The following STPG2 variants were observed in gnomAD, a reference collection of about 807,000 sequenced individuals.
STPG2 encodes sperm tail PG-rich repeat containing 2, also known as sperm-tail PG-rich repeat-containing protein 2.
In STPG2, 56 loss-of-function variants were observed where a neutral mutation model predicts 54.2. The ratio of observed to expected loss-of-function variants is 1.03; its 90% CI spans 0.83 to 1.29. The LOEUF (loss-of-function observed/expected upper bound fraction) is 1.29. Among genes scored for constraint, STPG2 ranks in the 50% most tolerant of loss-of-function variants. STPG2 has a pLI of 0.00. For missense variants in STPG2, 596 were observed against 544.9 expected (o/e 1.09, Z -0.93); for synonymous variants, 200 against 181.8 (o/e 1.10, Z -0.81).
chr4:97,834,823 AC>A (rs763414896), intron 9 of STPG2, among the ~76,000 whole-genome samples: 6 of 151,934 alleles, frequency 3.9e-5, no homozygotes, highest in Non-Finnish European at 8.8e-5. Flanking sequence ...CCCTGACCAT[AC>A]CTACACTTTC....
At chr4:97,988,374 T>C (rs1400631984) in intron 5 of STPG2, among the ~76,000 whole-genome samples, 1 of 152,192 alleles carries the variant, frequency 6.6e-6, no homozygotes, top group African/African-American at 2.4e-5. Context: ...TTTTCTGCTA[T>C]ATTCTAAGCT....
intron 9 of STPG2, among the ~76,000 whole-genome samples, chr4:97,762,305 C>T (rs112237960): frequency 0.018 from 2,739 of 152,216 alleles, 75 homozygotes; most frequent in African/African-American, 0.062. Context: ...AGGATTAACA[C>T]ATTTGTCTTT....
intron 5 of STPG2, among the ~76,000 whole-genome samples, chr4:97,992,900 A>G (rs1038132560): frequency 6.6e-6 from 1 of 152,138 alleles, no homozygotes; most frequent in African/African-American, 2.4e-5. Flanking sequence ...TGTTGGTATA[A>G]GCAGAGCTAC....
At chr4:98,032,429 A>G (rs1736626206) in intron 5 of STPG2, among the ~76,000 whole-genome samples, 1 of 152,116 alleles carries the variant, frequency 6.6e-6, no homozygotes, top group African/African-American at 2.4e-5. Flanking sequence ...AATTTTAAAA[A>G]TCACGAGATA....
chr4:97,888,945 CCTTCCTCCTT>C (rs762557556), intron 8 of STPG2, among the ~76,000 whole-genome samples: 1 of 152,280 alleles, frequency 6.6e-6, no homozygotes, highest in African/African-American at 2.4e-5. Context: ...TCCCTCCACT[CCTTCCTCCTT>C]CTTCAGCCAT....
chr4:97,442,385 G>A (rs980281802), intron 4 of STPG2, among the ~76,000 whole-genome samples: 2 of 152,008 alleles, frequency 1.3e-5, no homozygotes, highest in East Asian at 3.9e-4. Context: ...TGGTGTAGTA[G>A]CTCAGCCAAG....
chr4:97,816,166 T>G (rs1000503779), intron 9 of STPG2, among the ~76,000 whole-genome samples: 12 of 152,204 alleles, frequency 7.9e-5, no homozygotes, highest in Non-Finnish European at 1.6e-4. Context: ...TTGCTGAGAA[T>G]GATGGCTTCC....
chr4:98,047,466 G>A (rs1035374805), intron 5 of STPG2, among the ~76,000 whole-genome samples: 17 of 152,146 alleles, frequency 1.1e-4, no homozygotes, highest in African/African-American at 2.7e-4. Context: ...AGGGAGAAAC[G>A]GGGATCTAGG....
At chr4:97,560,054 T>C (rs929723031) in intron 10 of STPG2, among the ~76,000 whole-genome samples, 2 of 152,178 alleles carry the variant, frequency 1.3e-5, no homozygotes, top group Non-Finnish European at 2.9e-5. Context: ...TCTGCTCTCA[T>C]TGATCAGGCC....
At chr4:97,569,325 G>A (rs957558468) in intron 10 of STPG2, among the ~76,000 whole-genome samples, 6 of 152,126 alleles carry the variant, frequency 3.9e-5, no homozygotes, top group Admixed American at 1.3e-4. Context: ...GAGCAGTGAG[G>A]ACAATAAGAC....
At chr4:97,978,546 A>G (rs1304564267) in intron 6 of STPG2, among the ~76,000 whole-genome samples, 1 of 152,162 alleles carries the variant, frequency 6.6e-6, no homozygotes, top group Non-Finnish European at 1.5e-5. Flanking sequence ...GTCAGGAAAA[A>G]TAACTAATGG....
At chr4:97,574,699 T>G (rs1416229526) in intron 10 of STPG2, among the ~76,000 whole-genome samples, 2 of 151,912 alleles carry the variant, frequency 1.3e-5, no homozygotes, top group Admixed American at 6.6e-5. Flanking sequence ...TTCATGATCC[T>G]TTTCAGCAAA....
intron 8 of STPG2, among the ~76,000 whole-genome samples, chr4:97,887,898 C>A (rs894553253): frequency 2.6e-5 from 4 of 152,288 alleles, no homozygotes; most frequent in Admixed American, 6.5e-5. Context: ...TGGGAAACTG[C>A]TCCCTGCATC....
intron 5 of STPG2, among the ~76,000 whole-genome samples, chr4:98,033,265 A>G (rs1023195661): frequency 2.0e-5 from 3 of 152,132 alleles, no homozygotes; most frequent in Admixed American, 6.6e-5. Flanking sequence ...AAAATAATAA[A>G]GGGGATATCA....
At position 97,893,238 on chromosome 4, in the gene STPG2, T is replaced by C. The variant is rs567982809; in HGVS notation, c.1044+50659A>G. 4 of 152,024 alleles carry C rather than the reference T, an allele frequency of 2.6e-5. No homozygotes were observed. In the East Asian group the frequency reaches 7.8e-4, roughly 29 times the overall value. The allele number at this position is 152,024 out of a possible 1,614,324, so 9.4% of individuals were successfully genotyped here. On this transcript the variant is annotated intron_variant, in intron 8 of 10. Transcript: ENST00000295268. ...CTGGGAGTAGGAGGATGAGTGGGAT[T>C]ATATAAAGAATTATAATGGACTATT...
chr4:97,737,622 TG>T (rs1331717980), intron 9 of STPG2, among the ~76,000 whole-genome samples: 1 of 151,810 alleles, frequency 6.6e-6, no homozygotes, highest in African/African-American at 2.4e-5. Flanking sequence ...TGATGGAAGA[TG>T]AAATGAATGA....
intron 8 of STPG2, among the ~76,000 whole-genome samples, chr4:97,880,468 A>G (rs1345459056): frequency 6.6e-6 from 1 of 152,186 alleles, no homozygotes; most frequent in Non-Finnish European, 1.5e-5. Context: ...GAAGCAGCAG[A>G]GTATAGAAAA....
At chr4:98,006,325 G>A (rs182008455) in intron 5 of STPG2, among the ~76,000 whole-genome samples, 1 of 152,250 alleles carries the variant, frequency 6.6e-6, no homozygotes, top group Non-Finnish European at 1.5e-5. Context: ...TGCAACCCAG[G>A]CCACAGGAAA....
chr4:98,114,769 G>T (rs980958389), intron 3 of STPG2, among the ~76,000 whole-genome samples: 56 of 148,938 alleles, frequency 3.8e-4, no homozygotes, highest in Admixed American at 1.3e-3. Flanking sequence ...TTTTTTTTGT[G>T]TGTGTGTGTG....
Sources: gnomAD v4.1 joint callset for allele counts (sites outside exome capture counted in the v4.1 genomes callset) on GRCh38, gnomAD v4.1.1 for gene constraint, MANE v1.5 for transcripts, NCBI Gene and HGNC (gene_info 2026-07-23, HGNC 2026-07-21) for gene names.